The following NCOA2 variants were observed in gnomAD, a reference collection of about 807,000 sequenced individuals.
The protein encoded by NCOA2 is class E basic helix-loop-helix protein 75.
In NCOA2, 21 loss-of-function variants were observed where a neutral mutation model predicts 145.1. That is an observed-to-expected ratio of 0.14 (90% CI 0.10 to 0.21). NCOA2 has a LOEUF of 0.21. NCOA2 is among the 10% of genes least tolerant of loss of function. The pLI is 1.00. For synonymous variants in NCOA2, 619 were observed against 637.5 expected, an observed-to-expected ratio of 0.97 and a Z score of 0.44; for missense variants, 1,472 against 1,837.6, an observed-to-expected ratio of 0.80 and a Z score of 3.64.
chr8:70,380,685 CGGAACAAAAATTTTCA>C (rs1288630557), intron 1 of NCOA2, among the ~76,000 whole-genome samples: 1 of 151,944 alleles, frequency 6.6e-6, no homozygotes, highest in African/African-American at 2.4e-5. Flanking sequence ...TACGCTACCA[CGGAACAAAAATTTTCA>C]AGGACTATAC....
At chr8:70,453,770 G>C in the NCOA2 span, among the ~76,000 whole-genome samples, 1 of 152,142 alleles carries the variant, frequency 6.6e-6, no homozygotes. Context: ...AACACACACA[G>C]AAGTCAAACA....
chr8:70,148,580 C>T, intron 11 of NCOA2, 97 bp from the exon 12 acceptor site: 1 of 1,060,388 alleles, frequency 9.4e-7, no homozygotes, highest in Non-Finnish European at 1.4e-6. Context: ...TAAGGCACCA[C>T]AGCCAAATAA....
Position 70,113,585 on chromosome 8 carries a change from G to A in NCOA2, c.*47C>T. ...CAGCTCTCCAGACTGGAAGTGTTTT[G>A]AGCAAGTGAGCCCGGTCAGCTGAAG... On this transcript the variant is annotated 3_prime_UTR_variant, in exon 23 of 23. Transcript: ENST00000452400. The A allele has an allele frequency of 1.3e-6, 2 of 1,548,702 alleles. No individual in the cohort carries two copies. The highest frequency in any genetic ancestry group is 2.4e-5 in the East Asian group (1 of 40,934).
rs370685018 is a variant in NCOA2 at position 70,342,774 on chromosome 8, T to TACACAC, written c.-76-45980_-76-45975dup. Among the ~76,000 whole-genome samples the TACACAC allele has an allele frequency of 6.6e-3, 824 of 124,112 alleles. 9 individuals are homozygous for TACACAC. The highest frequency in any genetic ancestry group is 0.016 in the Middle Eastern group (4 of 254). 81.4% of individuals were successfully genotyped at this position (124,112 alleles called of 152,430 possible). On this transcript the variant is annotated intron_variant, in intron 1 of 22. Transcript: ENST00000452400. ...TTACACACTTTTCTTCTTTTGCAAT[T>TACACAC]ACACACACACACACACACACACACA...
intron 1 of NCOA2, among the ~76,000 whole-genome samples, chr8:70,307,220 CAAAAAAAAA>C (rs57161747): frequency 4.2e-5 from 3 of 71,644 alleles, no homozygotes; most frequent in Non-Finnish European, 9.2e-5. Flanking sequence ...CCTACATAAG[CAAAAAAAAA>C]AAAAAAAAAA....
chr8:70,355,002 T>C (rs1293575799), intron 1 of NCOA2, among the ~76,000 whole-genome samples: 1 of 152,240 alleles, frequency 6.6e-6, no homozygotes, highest in Non-Finnish European at 1.5e-5. Flanking sequence ...AATGTTTGCT[T>C]TGTCAGCTGT....
intron 12 of NCOA2, 26 bp downstream of exon 12, chr8:70,148,247 C>T (rs1158568924): frequency 1.9e-6 from 3 of 1,603,458 alleles, no homozygotes; most frequent in Non-Finnish European, 2.6e-6. Context: ...AATTTCTTGG[C>T]ATAACCAGCC....
At chr8:70,403,415 GC>G (rs1040016380) in intron 1 of NCOA2, among the ~76,000 whole-genome samples, 1 of 151,458 alleles carries the variant, frequency 6.6e-6, no homozygotes, top group African/African-American at 2.4e-5. Flanking sequence ...AGGCGCTGGA[GC>G]GCCTCCTTTC....
intron 2 of NCOA2, among the ~76,000 whole-genome samples, chr8:70,220,042 T>C (rs1003387097): frequency 2.0e-5 from 3 of 152,224 alleles, no homozygotes; most frequent in Admixed American, 2.0e-4. Flanking sequence ...TAGTGTATAG[T>C]CACTCATAGA....
At chr8:70,370,454 G>T (rs2131234663) in intron 1 of NCOA2, among the ~76,000 whole-genome samples, 1 of 152,166 alleles carries the variant, frequency 6.6e-6, no homozygotes, top group East Asian at 1.9e-4. Context: ...TGGGTTTGTG[G>T]CAGCTAAAAG....
intron 1 of NCOA2, among the ~76,000 whole-genome samples, chr8:70,376,889 T>C (rs534145867): frequency 2.6e-5 from 4 of 152,190 alleles, no homozygotes; most frequent in Middle Eastern, 3.2e-3. Context: ...GTCAATCTCA[T>C]AGTCACTGAT....
At chr8:70,395,911 T>C (rs2131699885) in intron 1 of NCOA2, among the ~76,000 whole-genome samples, 1 of 152,362 alleles carries the variant, frequency 6.6e-6, no homozygotes, top group African/African-American at 2.4e-5. Flanking sequence ...CAACAGGTCT[T>C]CAGTCTCAGC....
chr8:70,223,774 G>A (rs1413770387), intron 2 of NCOA2, among the ~76,000 whole-genome samples: 6 of 152,218 alleles, frequency 3.9e-5, no homozygotes, highest in African/African-American at 1.4e-4. Flanking sequence ...AGGCCACACA[G>A]GAAGTCTTGG....
chr8:70,433,247 CA>C, the NCOA2 span, among the ~76,000 whole-genome samples: 1 of 151,238 alleles, frequency 6.6e-6, no homozygotes. Context: ...TGATTTTTGT[CA>C]AAATATATTT....
chr8:70,148,016 G>T (rs1396104147), intron 12 of NCOA2, among the ~76,000 whole-genome samples: 1 of 152,126 alleles, frequency 6.6e-6, no homozygotes, highest in Non-Finnish European at 1.5e-5. Flanking sequence ...ATGACAATCA[G>T]TTGAAGAACT....
chr8:70,225,099 T>C (rs1489592330), intron 2 of NCOA2, among the ~76,000 whole-genome samples: 2 of 152,214 alleles, frequency 1.3e-5, no homozygotes, highest in African/African-American at 2.4e-5. Context: ...ATACCTATTA[T>C]GCACCAAGCA....
At position 70,216,667 on chromosome 8, in the gene NCOA2, C is replaced by G. The variant is rs199868177; in HGVS notation, c.79G>C (p.Gly27Arg). Residue 27 changes from glycine (G) to arginine (R), a missense_variant, in exon 3 of 23, where the codon GGA becomes CGA. By Grantham distance (125) the Gly-to-Arg change is moderately radical. Transcript: ENST00000452400. ...RKRKECPDQL[G>R]PSPKRNTEKR... is the part of the protein sequence containing the mutation. ...TCTCAGCAAGAATCTAACCTGGGTC[C>G]AAGTTGGTCAGGACATTCCTTGCGC... 6.2e-7 allele frequency: 1 copy of G among 1,612,118 alleles called. No individual in the cohort carries two copies. Among genetic ancestry groups the G allele is most frequent in the Non-Finnish European group, 8.5e-7 (1 of 1,178,212 alleles).
rs1824531541 is a variant in NCOA2 at position 70,265,839 on chromosome 8, TTTG to T, written c.-20+30902_-20+30904del. Among the ~76,000 whole-genome samples the T allele has an allele frequency of 2.7e-5, 4 of 148,872 alleles. No individual in the cohort carries two copies. The South Asian group carries it at 8.3e-4, about 31-fold the overall frequency. On this transcript the variant is annotated intron_variant, in intron 2 of 22. Transcript: ENST00000452400. ...TGTTGTTGTTGTTGTTGTTGTTTTG[TTTG>T]TTTTTTTAAAGAGACAGAGTCGGCT...
intron 2 of NCOA2, among the ~76,000 whole-genome samples, chr8:70,224,524 A>G (rs567328951): frequency 1.3e-5 from 2 of 152,116 alleles, no homozygotes; most frequent in African/African-American, 4.8e-5. Flanking sequence ...TGGGCAATAA[A>G]AACAGTGTCT....
Sources: gnomAD v4.1 joint callset for allele counts (sites outside exome capture counted in the v4.1 genomes callset) on GRCh38, gnomAD v4.1.1 for gene constraint, MANE v1.5 for transcripts, NCBI Gene and HGNC (gene_info 2026-07-23, HGNC 2026-07-21) for gene names.